Variants in CDIN1 observed in about 807,000 individuals in gnomAD.
The protein encoded by CDIN1 is CDAN1-interacting nuclease 1.
A neutral mutation model predicts 45.3 loss-of-function variants in CDIN1; 33 were observed. The ratio of observed to expected loss-of-function variants is 0.73; its 90% CI spans 0.55 to 0.97. The LOEUF (loss-of-function observed/expected upper bound fraction) is 0.97, where lower values mean the gene tolerates loss of function less well. CDIN1 is among the 50% of genes least tolerant of loss of function. CDIN1 has a pLI of 0.00. For missense variants in CDIN1, 303 were observed against 339.4 expected, an observed-to-expected ratio of 0.89 and a Z score of 0.84; for synonymous variants, 118 against 124.4, an observed-to-expected ratio of 0.95 and a Z score of 0.34.
intron 10 of CDIN1, among the ~76,000 whole-genome samples, chr15:36,795,008 A>T (rs1434012144): frequency 6.6e-6 from 1 of 152,206 alleles, no homozygotes; most frequent in African/African-American, 2.4e-5. Context: ...GGAGGTTATT[A>T]TGTTAAGTGA....
At chr15:36,724,329 T>A (rs192296429) in intron 10 of CDIN1, among the ~76,000 whole-genome samples, 1 of 152,146 alleles carries the variant, frequency 6.6e-6, no homozygotes, top group African/African-American at 2.4e-5. Context: ...TATAGACTTG[T>A]AGAGATTATA....
At chr15:36,743,119 G>A (rs2044296003) in intron 10 of CDIN1, among the ~76,000 whole-genome samples, 1 of 152,220 alleles carries the variant, frequency 6.6e-6, no homozygotes, top group Non-Finnish European at 1.5e-5. Context: ...TCAGGATAGA[G>A]AAGATGATAT....
chr15:36,721,829 A>T (rs1455212806), intron 10 of CDIN1, among the ~76,000 whole-genome samples: 2 of 151,016 alleles, frequency 1.3e-5, no homozygotes, highest in Non-Finnish European at 3.0e-5. Context: ...TCTCCTGCTG[A>T]TATTGTGCCC....
intron 7 of CDIN1, among the ~76,000 whole-genome samples, chr15:36,693,559 T>G (rs747437139): frequency 3.0e-4 from 45 of 152,268 alleles, no homozygotes; most frequent in Non-Finnish European, 5.9e-4. Flanking sequence ...AAAAATCAAT[T>G]TAAAGTTAAG....
chr15:36,792,237 G>A (rs1450693085), intron 10 of CDIN1, among the ~76,000 whole-genome samples: 2 of 152,178 alleles, frequency 1.3e-5, no homozygotes, highest in African/African-American at 4.8e-5. Context: ...GAGCCATAGA[G>A]TTTGTAAAGT....
chr15:36,660,385 A>C (rs921559084), intron 5 of CDIN1, among the ~76,000 whole-genome samples: 2 of 152,134 alleles, frequency 1.3e-5, no homozygotes, highest in Non-Finnish European at 2.9e-5. Context: ...CAGGCAAAAA[A>C]ATCCTATTCT....
chr15:36,696,686 G>T (rs575702057), intron 7 of CDIN1, among the ~76,000 whole-genome samples: 4 of 152,138 alleles, frequency 2.6e-5, no homozygotes, highest in Non-Finnish European at 5.9e-5. Flanking sequence ...GGTTATAGGC[G>T]CAAGCCACCT....
intron 10 of CDIN1, among the ~76,000 whole-genome samples, chr15:36,761,389 C>T (rs1020034495): frequency 2.0e-5 from 3 of 152,194 alleles, no homozygotes; most frequent in Non-Finnish European, 4.4e-5. Context: ...CATATAGCAT[C>T]CCAAGGCTTT....
intron 1 of CDIN1, among the ~76,000 whole-genome samples, chr15:36,594,410 A>C (rs1008497938): frequency 6.6e-6 from 1 of 152,222 alleles, no homozygotes; most frequent in Non-Finnish European, 1.5e-5. Context: ...TGAAGCATGG[A>C]AACAAGACTT....
At chr15:36,760,158 T>C (rs970912911) in intron 10 of CDIN1, among the ~76,000 whole-genome samples, 1 of 152,210 alleles carries the variant, frequency 6.6e-6, no homozygotes, top group Admixed American at 6.5e-5. Context: ...CAATAGAATT[T>C]TTTTAACCAG....
At chr15:36,748,524 CCT>C (rs2044528128) in intron 10 of CDIN1, among the ~76,000 whole-genome samples, 2 of 150,072 alleles carry the variant, frequency 1.3e-5, no homozygotes, top group African/African-American at 4.9e-5. Flanking sequence ...TTTTTTTTTT[CCT>C]CTCTCACAAC....
intron 10 of CDIN1, among the ~76,000 whole-genome samples, chr15:36,757,745 G>C (rs891617294): frequency 1.3e-5 from 2 of 152,088 alleles, no homozygotes; most frequent in Non-Finnish European, 2.9e-5. Flanking sequence ...ATCTGAAGCA[G>C]ATGATCCTCC....
intron 10 of CDIN1, among the ~76,000 whole-genome samples, chr15:36,723,314 A>T (rs2043502841): frequency 6.6e-6 from 1 of 151,932 alleles, no homozygotes; most frequent in South Asian, 2.1e-4. Flanking sequence ...TTTAGTAAAG[A>T]GGATTTTTTT....
chr15:36,628,132 C>T (rs2140338681), intron 1 of CDIN1, among the ~76,000 whole-genome samples: 1 of 152,100 alleles, frequency 6.6e-6, no homozygotes, highest in East Asian at 1.9e-4. Flanking sequence ...GTTGTGTAGC[C>T]ATGTGTTGGA....
intron 4 of CDIN1, among the ~76,000 whole-genome samples, chr15:36,656,582 A>G (rs2040791544): frequency 6.6e-6 from 1 of 152,112 alleles, no homozygotes; most frequent in African/African-American, 2.4e-5. Flanking sequence ...TGATGGCCCT[A>G]TTTCAGAGAA....
In CDIN1 at chr15:36,651,089, C is replaced by G. The variant is rs911394065; in HGVS notation, c.213-3009C>G. 9.9e-5 allele frequency among the ~76,000 whole-genome samples: 15 copies of G among 152,034 alleles called. No homozygotes were observed. The East Asian group carries it at 2.9e-3, about 29-fold the overall frequency. On this transcript the variant is annotated intron_variant, in intron 3 of 10. Transcript: ENST00000566621. ...AAAAAAAAATAAAAAAAAATACAGTCTTTGAATTCTTAGTTGGTATCAACT... is the reference window on the plus strand; with the variant it reads ...AAAAAAAAATAAAAAAAAATACAGTGTTTGAATTCTTAGTTGGTATCAACT...
chr15:36,666,492 A>AT (rs1566881531), intron 5 of CDIN1, among the ~76,000 whole-genome samples: 1 of 152,130 alleles, frequency 6.6e-6, no homozygotes, highest in African/African-American at 2.4e-5. Flanking sequence ...AGACTGCAAG[A>AT]TTGTCAGAAC....
chr15:36,669,554 A>G lies in CDIN1; in HGVS notation c.346+11649A>G, dbSNP rs138270031. Among the ~76,000 whole-genome samples, 25 of 103,652 alleles carry G rather than the reference A, an allele frequency of 2.4e-4. No homozygotes were observed. In the East Asian group the frequency reaches 9.0e-3, roughly 37 times the overall value. The allele number at this position is 103,652 out of a possible 152,430, so 68.0% of individuals were successfully genotyped here. A position where few individuals can be genotyped will look rare whatever the true frequency, so the allele number is the denominator to read the frequency against. ...TTATCATCTTATATTACTGTGATAC[A>G]TTTGTCAACACTAAGAAACCCTCAC... On this transcript the variant is annotated intron_variant, in intron 5 of 10. Coordinates refer to ENST00000566621, the MANE Select transcript of CDIN1 (RefSeq NM_001321759.2).
chr15:36,601,723 C>G (rs557439805), intron 1 of CDIN1, among the ~76,000 whole-genome samples: 2 of 152,250 alleles, frequency 1.3e-5, no homozygotes, highest in African/African-American at 4.8e-5. Flanking sequence ...TGCTTTTGGC[C>G]TTCTCTGGGA....
Sources: gnomAD v4.1 joint callset for allele counts (sites outside exome capture counted in the v4.1 genomes callset) on GRCh38, gnomAD v4.1.1 for gene constraint, MANE v1.5 for transcripts, NCBI Gene and HGNC (gene_info 2026-07-23, HGNC 2026-07-21) for gene names.